BIK: variants seen among roughly 807,000 people sequenced by gnomAD.
The protein encoded by BIK is BCL2 interacting killer.
Under a neutral mutation model 12.1 loss-of-function variants are expected in BIK, and 14 were observed. The ratio of observed to expected loss-of-function variants is 1.16; its 90% CI spans 0.77 to 1.81. The LOEUF is 1.81. Ranked by LOEUF, BIK falls within the 40% of genes most tolerant of loss-of-function variation. The probability of loss-of-function intolerance (pLI) is 0.00; values close to 1 mark genes in which losing one functional copy is unlikely to be tolerated. For missense variants in BIK, 215 were observed against 207.9 expected (o/e 1.03, Z -0.21); for synonymous variants, 86 against 92.3 (o/e 0.93, Z 0.39).
intron 4 of BIK, among the ~76,000 whole-genome samples, chr22:43,128,835 C>T (rs1007804742): frequency 3.3e-5 from 5 of 152,218 alleles, no homozygotes; most frequent in Non-Finnish European, 7.3e-5. Context: ...CCCTCTGGTC[C>T]GAGAGCCTTC....
intron 1 of BIK, among the ~76,000 whole-genome samples, chr22:43,114,828 C>A (rs962741492): frequency 2.0e-5 from 3 of 152,230 alleles, no homozygotes; most frequent in Non-Finnish European, 4.4e-5. Flanking sequence ...TGGGCACTTA[C>A]TGCATACCAT....
chr22:43,126,172 G>A (rs1226191656), intron 2 of BIK, among the ~76,000 whole-genome samples: 1 of 149,372 alleles, frequency 6.7e-6, no homozygotes, highest in East Asian at 2.0e-4. Flanking sequence ...GTGCAGGCGT[G>A]CACCAGCATG....
chr22:43,128,549 G>C lies in BIK; in HGVS notation c.314G>C (p.Arg105Thr). ...ACTGAGGACATCAGGGATGTTCTTA[G>C]AAGTTTCATGGACGGTTTCACCACA... Reference protein sequence around the residue: ...DQTEDIRDVLRSFMDGFTTLK... With the variant: ...DQTEDIRDVLTSFMDGFTTLK... Residue 105 changes from arginine to threonine, a missense_variant, in exon 4 of 5, where the codon AGA (arginine) becomes ACA (threonine). Transcript: ENST00000216115. The C allele has an allele frequency of 6.2e-7, 1 of 1,614,002 alleles. No homozygotes were observed. Among genetic ancestry groups the C allele is most frequent in the Non-Finnish European group, 8.5e-7 (1 of 1,179,862 alleles).
At chr22:43,113,868 T>G (rs964357605) in intron 1 of BIK, among the ~76,000 whole-genome samples, 2 of 152,238 alleles carry the variant, frequency 1.3e-5, no homozygotes, top group Non-Finnish European at 2.9e-5. Flanking sequence ...TTGAGCCGTA[T>G]GGAGGAAGTC....
intron 1 of BIK, among the ~76,000 whole-genome samples, chr22:43,115,519 G>C (rs900822999): frequency 2.0e-5 from 3 of 152,134 alleles, no homozygotes; most frequent in African/African-American, 7.2e-5. Context: ...CTGGAGTGCA[G>C]TGGCGCGATC....
chr22:43,114,060 G>T (rs1930063465), intron 1 of BIK, among the ~76,000 whole-genome samples: 1 of 152,198 alleles, frequency 6.6e-6, no homozygotes. Context: ...TGGCCCCGAG[G>T]CAGGCAGGAG....
At chr22:43,126,428 G>A (rs1355114936) in intron 2 of BIK, among the ~76,000 whole-genome samples, 4 of 151,902 alleles carry the variant, frequency 2.6e-5, no homozygotes, top group African/African-American at 7.3e-5. Flanking sequence ...CTCGTGATCT[G>A]CCTGCCTCGG....
At chr22:43,128,417 G>A in intron 3 of BIK, 79 bp from the exon 4 acceptor site, 1 of 1,540,140 alleles carries the variant, frequency 6.5e-7, no homozygotes. Flanking sequence ...CCACAGCTGT[G>A]ATGGTGTCAT....
chr22:43,119,173 G>A, intron 1 of BIK, among the ~76,000 whole-genome samples: 1 of 151,840 alleles, frequency 6.6e-6, no homozygotes, highest in African/African-American at 2.4e-5. Context: ...ACTGGCGCCT[G>A]GTGTTTCCAC....
chr22:43,120,772 AG>A (rs1489131477), intron 1 of BIK, among the ~76,000 whole-genome samples: 3 of 152,228 alleles, frequency 2.0e-5, no homozygotes, highest in Non-Finnish European at 4.4e-5. Context: ...AGGCCAGCCT[AG>A]GCCCAGTTGG....
At chr22:43,125,562 C>A (rs2147024907) in intron 2 of BIK, among the ~76,000 whole-genome samples, 1 of 130,030 alleles carries the variant, frequency 7.7e-6, no homozygotes, top group South Asian at 2.5e-4. Flanking sequence ...AAATGTTACC[C>A]AGGTATGGGG....
At chr22:43,116,319 A>C (rs529895882) in intron 1 of BIK, among the ~76,000 whole-genome samples, 2 of 152,230 alleles carry the variant, frequency 1.3e-5, no homozygotes, top group African/African-American at 4.8e-5. Flanking sequence ...TCTGTCGCCC[A>C]GGCTGGAGTG....
At chr22:43,119,748 G>A (rs4988392) in intron 1 of BIK, among the ~76,000 whole-genome samples, 8,564 of 152,144 alleles carry the variant, frequency 0.056, 354 homozygotes, top group Non-Finnish European at 0.084. Context: ...AGGCCCAGGC[G>A]GGAGTTGAAG....
At chr22:43,113,840 G>C (rs1883264) in intron 1 of BIK, among the ~76,000 whole-genome samples, 27,469 of 152,106 alleles carry the variant, frequency 0.18, 2,918 homozygotes, top group African/African-American at 0.29. Context: ...TTTGACTACC[G>C]TCTGTGCTCA....
intron 2 of BIK, among the ~76,000 whole-genome samples, chr22:43,125,442 A>T (rs1930295365): frequency 6.6e-6 from 1 of 151,938 alleles, no homozygotes; most frequent in East Asian, 1.9e-4. Context: ...GCCGTGGCTC[A>T]TGCCTGTAAT....
chr22:43,114,755 G>A lies in BIK; in HGVS notation c.-8+3952G>A, dbSNP rs1930078676. Among the ~76,000 whole-genome samples the A allele has an allele frequency of 2.6e-5, 4 of 152,240 alleles. No individual in the cohort carries two copies. The South Asian group carries it at 8.3e-4, about 32-fold the overall frequency. On this transcript the variant is annotated intron_variant, in intron 1 of 4. Transcript: ENST00000216115. ...GATAAATCCGAGCTCGGACCGTGAG[G>A]TGGTCAGCACGGGTGTGCGCCTCGC...
chr22:43,118,172 T>C (rs752498165), intron 1 of BIK, among the ~76,000 whole-genome samples: 1 of 151,900 alleles, frequency 6.6e-6, no homozygotes, highest in Non-Finnish European at 1.5e-5. Flanking sequence ...CAGGGGTGTG[T>C]GTGGGATGCA....
chr22:43,111,999 C>T (rs910346828), intron 1 of BIK, among the ~76,000 whole-genome samples: 1 of 152,146 alleles, frequency 6.6e-6, no homozygotes, highest in Non-Finnish European at 1.5e-5. Flanking sequence ...CCTGTGGCCT[C>T]GGAAGGGCCA....
At chr22:43,125,740 AAAAG>A (rs1188990129) in intron 2 of BIK, among the ~76,000 whole-genome samples, 5 of 147,044 alleles carry the variant, frequency 3.4e-5, no homozygotes, top group African/African-American at 8.2e-5. Flanking sequence ...AGAGAAAGAG[AAAAG>A]AAAGAAAGAA....
Sources: gnomAD v4.1 joint callset for allele counts (sites outside exome capture counted in the v4.1 genomes callset) on GRCh38, gnomAD v4.1.1 for gene constraint, MANE v1.5 for transcripts, NCBI Gene and HGNC (gene_info 2026-07-23, HGNC 2026-07-21) for gene names.